The following PBX1 variants were observed in gnomAD, a reference collection of about 807,000 sequenced individuals.
The protein encoded by PBX1 is pre-B-cell leukemia transcription factor 1.
PBX1 carries 6 observed loss-of-function variants against 53.4 expected under a neutral mutation model. The ratio of observed to expected loss-of-function variants is 0.11; its 90% CI spans 0.06 to 0.22. The LOEUF (loss-of-function observed/expected upper bound fraction) is 0.22, where lower values mean the gene tolerates loss of function less well. PBX1 is among the 10% of genes least tolerant of loss of function. The probability of loss-of-function intolerance (pLI) is 1.00; values close to 1 mark genes in which losing one functional copy is unlikely to be tolerated. For synonymous variants in PBX1, 204 were observed against 212.3 expected, an observed-to-expected ratio of 0.96 and a Z score of 0.34; for missense variants, 251 against 551.4, an observed-to-expected ratio of 0.46 and a Z score of 5.46.
chr1:164,830,959 G>A (rs1363005420), intron 8 of PBX1, among the ~76,000 whole-genome samples: 1 of 152,176 alleles, frequency 6.6e-6, no homozygotes, highest in East Asian at 1.9e-4. Context: ...AGTGTGTAAA[G>A]TCTACATGCT....
At chr1:164,816,650 A>G (rs970113189) in intron 6 of PBX1, 4 of 152,116 alleles carry the variant, frequency 2.6e-5, no homozygotes, top group Non-Finnish European at 4.4e-5. Flanking sequence ...ATTGGCATCT[A>G]TTGGATAGAG....
At chr1:164,761,525 A>T (rs1414522650) in intron 2 of PBX1, among the ~76,000 whole-genome samples, 2 of 152,012 alleles carry the variant, frequency 1.3e-5, no homozygotes, top group African/African-American at 2.4e-5. Context: ...ACTCACTGCA[A>T]GCTCCGCCTC....
intron 2 of PBX1, among the ~76,000 whole-genome samples, chr1:164,697,997 G>T (rs1269628614): frequency 6.6e-6 from 1 of 152,162 alleles, no homozygotes; most frequent in East Asian, 1.9e-4. Flanking sequence ...CCTTTGGTTG[G>T]AATGCAGGCA....
chr1:164,690,937 G>A (rs1263427517), intron 2 of PBX1, among the ~76,000 whole-genome samples: 1 of 151,642 alleles, frequency 6.6e-6, no homozygotes, highest in Non-Finnish European at 1.5e-5. Flanking sequence ...CAAATGAGGG[G>A]GAATCCTTAA....
At chr1:164,755,835 G>C (rs1326298813) in intron 2 of PBX1, among the ~76,000 whole-genome samples, 3 of 151,866 alleles carry the variant, frequency 2.0e-5, no homozygotes, top group Non-Finnish European at 4.4e-5. Flanking sequence ...ATTACCCCCA[G>C]GGCGCCATGT....
intron 2 of PBX1, among the ~76,000 whole-genome samples, chr1:164,766,697 A>C (rs1035373244): frequency 6.7e-6 from 1 of 149,316 alleles, no homozygotes; most frequent in Non-Finnish European, 1.5e-5. Context: ...TATTCCAGAA[A>C]TTTTCTTTTC....
At chr1:164,761,918 C>A (rs1666836535) in intron 2 of PBX1, among the ~76,000 whole-genome samples, 1 of 152,102 alleles carries the variant, frequency 6.6e-6, no homozygotes, top group African/African-American at 2.4e-5. Context: ...GTGACTAATT[C>A]AAATATCTAC....
intron 2 of PBX1, among the ~76,000 whole-genome samples, chr1:164,653,327 T>G (rs1028530151): frequency 3.3e-5 from 5 of 152,024 alleles, no homozygotes; most frequent in Non-Finnish European, 4.4e-5. Context: ...TACACCACAA[T>G]TTTTTTATCC....
intron 2 of PBX1, among the ~76,000 whole-genome samples, chr1:164,701,159 A>T (rs1663098810): frequency 6.6e-6 from 1 of 152,128 alleles, no homozygotes; most frequent in Non-Finnish European, 1.5e-5. Context: ...CCCTGCTAGG[A>T]TACATAGAGT....
intron 1 of PBX1, among the ~76,000 whole-genome samples, chr1:164,561,266 T>G (rs1208744165): frequency 6.6e-6 from 1 of 152,188 alleles, no homozygotes; most frequent in Non-Finnish European, 1.5e-5. Context: ...GAAATAAGAA[T>G]CTGAGTTGAG....
At chr1:164,633,418 A>G (rs1203539829) in intron 2 of PBX1, among the ~76,000 whole-genome samples, 2 of 152,170 alleles carry the variant, frequency 1.3e-5, no homozygotes, top group Non-Finnish European at 2.9e-5. Flanking sequence ...CCAAAGTGCT[A>G]GGATTACAGG....
At position 164,849,565 on chromosome 1, in the gene PBX1, A is replaced by C. The variant is rs1671732828; in HGVS notation, c.*2889A>C. ...TTCTTCATTTTCTAATAGATGTGGGAGTGCTCCATTTTCCCCGACAGCGAA... is the reference window on the plus strand; with the variant it reads ...TTCTTCATTTTCTAATAGATGTGGGCGTGCTCCATTTTCCCCGACAGCGAA... On this transcript the variant is annotated 3_prime_UTR_variant, in exon 9 of 9. Coordinates refer to ENST00000420696, the MANE Select transcript of PBX1 (RefSeq NM_002585.4). 1.8e-6 allele frequency: 2 copies of C among 1,091,776 alleles called. No individual in the cohort carries two copies. The highest frequency in any genetic ancestry group is 2.5e-6 in the Non-Finnish European group (2 of 784,434). 67.6% of individuals were successfully genotyped at this position (1,091,776 alleles called of 1,614,324 possible). A position where few individuals can be genotyped will look rare whatever the true frequency, so the allele number is the denominator to read the frequency against.
chr1:164,681,124 A>G (rs1661746028), intron 2 of PBX1, among the ~76,000 whole-genome samples: 1 of 152,076 alleles, frequency 6.6e-6, no homozygotes, highest in African/African-American at 2.4e-5. Flanking sequence ...GCGTGCCTGT[A>G]GTCCCAGCTA....
At position 164,799,732 on chromosome 1, in the gene PBX1, C is replaced by G; in HGVS notation, c.544C>G (p.Leu182Val). The G allele has an allele frequency of 6.2e-7, 1 of 1,613,890 alleles. No individual in the cohort carries two copies. The highest frequency in any genetic ancestry group is 8.5e-7 in the Non-Finnish European group (1 of 1,179,806). Residue 182 changes from leucine (L) to valine (V), a missense_variant, in exon 4 of 9, where the codon CTC (leucine) becomes GTC (valine). Leu to Val is a conservative substitution (Grantham distance 32). Around this residue, in one of 4 missense-constraint regions of PBX1, gnomAD observed 76 missense variants for 197.5 expected, o/e 0.38. Transcript: ENST00000420696. Reference protein sequence around the residue: ...CNEFTTHVMNLLREQSRTRPI... With the variant: ...CNEFTTHVMNVLREQSRTRPI... The stretch of plus-strand genomic sequence containing the variant: ...CGAGTTCACCACCCACGTGATGAAT[C>G]TCCTGCGAGAGCAAAGCCGGACCAG...
chr1:164,710,012 T>C (rs72696461), intron 2 of PBX1, among the ~76,000 whole-genome samples: 4,166 of 152,272 alleles, frequency 0.027, 75 homozygotes, highest in Middle Eastern at 0.044. Flanking sequence ...TAGAATTGCA[T>C]AGATGCAGCA....
chr1:164,754,284 G>C (rs2102202982), intron 2 of PBX1, among the ~76,000 whole-genome samples: 1 of 152,264 alleles, frequency 6.6e-6, no homozygotes, highest in Non-Finnish European at 1.5e-5. Flanking sequence ...AGCCAGTGCT[G>C]GATCTTGGGT....
intron 2 of PBX1, chr1:164,680,187 A>G (rs895901517): frequency 6.6e-6 from 1 of 152,226 alleles, no homozygotes; most frequent in South Asian, 2.1e-4. Context: ...GTCAGATCCT[A>G]TAGATATTTC....
intron 2 of PBX1, among the ~76,000 whole-genome samples, chr1:164,671,821 A>G (rs527762288): frequency 6.6e-6 from 1 of 152,174 alleles, no homozygotes; most frequent in African/African-American, 2.4e-5. Context: ...TCAGTGGTAT[A>G]TATTATCCTG....
chr1:164,869,444 A>G (rs940435123), intron 2 of PBX1, among the ~76,000 whole-genome samples: 2 of 152,198 alleles, frequency 1.3e-5, no homozygotes, highest in Non-Finnish European at 2.9e-5. Flanking sequence ...ATATGGCTAC[A>G]TATCTAGCCA....
Sources: allele counts gnomAD v4.1 joint callset (sites outside exome capture counted in the v4.1 genomes callset), GRCh38; gene constraint gnomAD v4.1.1; regional missense constraint gnomAD v4.1.1; transcripts MANE v1.5; gene names NCBI Gene and HGNC (gene_info 2026-07-23, HGNC 2026-07-21).